SERPINC1: variants seen among roughly 807,000 people sequenced by gnomAD.
SERPINC1 encodes the protein antithrombin-III.
SERPINC1 carries 12 observed loss-of-function variants against 43.4 expected under a neutral mutation model. The ratio of observed to expected loss-of-function variants is 0.28; its 90% CI spans 0.18 to 0.45. The LOEUF (loss-of-function observed/expected upper bound fraction) is 0.45, where lower values mean the gene tolerates loss of function less well. SERPINC1 is among the 20% of genes least tolerant of loss of function. The pLI is 1.00. For synonymous variants in SERPINC1, 210 were observed against 218.9 expected (o/e 0.96, Z 0.36); for missense variants, 423 against 578.8 (o/e 0.73, Z 2.76).
At chr1:173,907,373 A>G in intron 6 of SERPINC1, 77 bp downstream of exon 6, 5 of 1,156,000 alleles carry the variant, frequency 4.3e-6, no homozygotes, top group Middle Eastern at 1.9e-4. Context: ...AACACTGGAA[A>G]CAGGCCTTTT....
rs483352853 is a variant in SERPINC1 at position 173,911,825 on chromosome 1, C to G, written c.598G>C (p.Ala200Pro). ...TTGAAGTCCAGGGGCTGGAGCTTGGCTCCATATACCAACTCACTGATGTCC... is the reference window on the plus strand; with the variant it reads ...TTGAAGTCCAGGGGCTGGAGCTTGGGTCCATATACCAACTCACTGATGTCC... ...YQDISELVYG[A>P]KLQPLDFKEN... The change falls in exon 3 of 7, where the codon GCC (alanine) becomes CCC (proline). Residue 200 changes from alanine to proline, a missense_variant. Ala to Pro is a conservative substitution (Grantham distance 27). Transcript: ENST00000367698. 2.5e-6 allele frequency: 4 copies of G among 1,614,056 alleles called. No homozygotes were observed. In the East Asian group the frequency reaches 6.7e-5, roughly 27 times the overall value.
chr1:173,914,077 CA>C (rs59197371), intron 2 of SERPINC1, among the ~76,000 whole-genome samples: 220 of 138,298 alleles, frequency 1.6e-3, no homozygotes, highest in South Asian at 3.2e-3. Flanking sequence ...GATTCCATCT[CA>C]AAAAAAAAAA....
chr1:173,906,708 C>T (rs1453641255), intron 6 of SERPINC1, among the ~76,000 whole-genome samples: 1 of 151,680 alleles, frequency 6.6e-6, no homozygotes, highest in Non-Finnish European at 1.5e-5. Flanking sequence ...GTTGCAAACT[C>T]CTGGGCTCAA....
chr1:173,905,994 A>G (rs1657490305), intron 6 of SERPINC1, among the ~76,000 whole-genome samples: 1 of 152,144 alleles, frequency 6.6e-6, no homozygotes, highest in South Asian at 2.1e-4. Flanking sequence ...ATCTATATTT[A>G]CTTAGCACCA....
chr1:173,915,714 A>G (rs570468850), intron 1 of SERPINC1, among the ~76,000 whole-genome samples: 1 of 152,240 alleles, frequency 6.6e-6, no homozygotes, highest in South Asian at 2.1e-4. Context: ...AACAAAAACA[A>G]TGGCAATATC....
Position 173,909,599 on chromosome 1 carries a change from T to C in SERPINC1, c.1106A>G (p.Asp369Gly), listed in dbSNP as rs1254068236. The change falls in exon 5 of 7, where the codon GAC (aspartate) becomes GGC (glycine). Residue 369 changes from aspartate (D) to glycine (G), a missense_variant. Coordinates refer to ENST00000367698, the MANE Select transcript of SERPINC1 (RefSeq NM_000488.4). ...DGFSLKEQLQ[D>G]MGLVDLFSPE... is the part of the protein sequence containing the mutation. ...GCTGAACAGATCGACAAGGCCCATG[T>C]CTTGCAGCTGCTCCTTCAAACTGAA... 5 of 1,614,126 alleles carry C rather than the reference T, an allele frequency of 3.1e-6. No individual in the cohort carries two copies. The highest frequency in any genetic ancestry group is 4.2e-6 in the Non-Finnish European group (5 of 1,180,034).
rs373515340 is a variant in SERPINC1 at position 173,909,638 on chromosome 1, C to T, written c.1067G>A (p.Arg356His). 1.9e-5 allele frequency: 31 copies of T among 1,613,794 alleles called. No homozygotes were observed. Among genetic ancestry groups the T allele is most frequent in the Non-Finnish European group, 2.2e-5 (26 of 1,179,868 alleles). ...MMLVVHMPRFRIEDGFSLKEQ... is the reference protein window; with the variant it reads ...MMLVVHMPRFHIEDGFSLKEQ... ...CTTCAAACTGAAGCCGTCCTCAATGCGGAAGCGGGGCATGTGGACCACCAG... is the reference window on the plus strand; with the variant it reads ...CTTCAAACTGAAGCCGTCCTCAATGTGGAAGCGGGGCATGTGGACCACCAG... The change falls in exon 5 of 7, where the codon CGC becomes CAC. Residue 356 changes from arginine to histidine, a missense_variant. Arg to His is a conservative substitution (Grantham distance 29). Coordinates refer to ENST00000367698, the MANE Select transcript of SERPINC1 (RefSeq NM_000488.4).
chr1:173,914,651 C>T lies in SERPINC1; in HGVS notation c.310G>A (p.Asp104Asn). Residue 104 changes from aspartate to asparagine, a missense_variant, in exon 2 of 7, where the codon GAC becomes AAC. Asp to Asn is a conservative substitution (Grantham distance 23, BLOSUM62 1). Transcript: ENST00000367698. Reference sequence around the variant, plus strand: ...GGTGACAGGAAAATGTTATCATTGTCATTCTTGGAATCTGCCAGGTGCTGA... The same window carrying T: ...GGTGACAGGAAAATGTTATCATTGTTATTCTTGGAATCTGCCAGGTGCTGA... ...FYQHLADSKN[D>N]NDNIFLSPLS... 6.2e-7 allele frequency: 1 copy of T among 1,614,238 alleles called. No individual in the cohort carries two copies. Among genetic ancestry groups the T allele is most frequent in the Non-Finnish European group, 8.5e-7 (1 of 1,180,056 alleles).
intron 3 of SERPINC1, 119 bp downstream of exon 3, chr1:173,911,676 TAGTC>T (rs756239825): frequency 6.3e-6 from 5 of 798,710 alleles, no homozygotes; most frequent in Non-Finnish European, 1.1e-5. Flanking sequence ...TTCTAACTTT[TAGTC>T]AGCCCTCCAG....
chr1:173,913,673 G>A (rs1657866728), intron 2 of SERPINC1, among the ~76,000 whole-genome samples: 1 of 152,094 alleles, frequency 6.6e-6, no homozygotes, highest in African/African-American at 2.4e-5. Flanking sequence ...TGGCCAACAT[G>A]GTGAAACCCC....
chr1:173,915,480 A>G (rs1488376953), intron 1 of SERPINC1, among the ~76,000 whole-genome samples: 1 of 152,228 alleles, frequency 6.6e-6, no homozygotes, highest in African/African-American at 2.4e-5. Context: ...GTTCGAGATC[A>G]GCCTGGACAA....
At chr1:173,909,471 TC>T (rs1268782989) in intron 5 of SERPINC1, 80 bp downstream of exon 5, 2 of 1,460,812 alleles carry the variant, frequency 1.4e-6, no homozygotes, top group Admixed American at 3.4e-5. Flanking sequence ...GTTGCTCCTT[TC>T]TATTCTTTCT....
intron 4 of SERPINC1, 79 bp downstream of exon 4, chr1:173,910,675 C>A: frequency 6.9e-7 from 1 of 1,439,042 alleles, no homozygotes; most frequent in East Asian, 2.3e-5. Context: ...GGGCTTCGGT[C>A]TCGCCATTTA....
chr1:173,910,859 G>A lies in SERPINC1; in HGVS notation c.657C>T (p.Asn219=). 6.2e-7 allele frequency: 1 copy of A among 1,614,170 alleles called. No individual in the cohort carries two copies. The highest frequency in any genetic ancestry group is 8.5e-7 in the Non-Finnish European group (1 of 1,180,006). The part of the protein sequence containing the change: ...ENAEQSRAAI[N]KWVSNKTEGR... ...CTTCGGTCTTATTGGACACCCATTTGTTGATGGCCGCTCTGGATTGCTCTG... is the reference window on the plus strand; with the variant it reads ...CTTCGGTCTTATTGGACACCCATTTATTGATGGCCGCTCTGGATTGCTCTG... The change falls in exon 4 of 7, where the codon AAC becomes AAT. Residue 219 remains asparagine, a synonymous_variant. Transcript: ENST00000367698.
chr1:173,913,308 A>G (rs1657848587), intron 2 of SERPINC1, among the ~76,000 whole-genome samples: 1 of 152,188 alleles, frequency 6.6e-6, no homozygotes, highest in South Asian at 2.1e-4. Flanking sequence ...ACAGTGATCA[A>G]TCAATCTATG....
Position 173,914,740 on chromosome 1 carries a change from T to C in SERPINC1, c.221A>G (p.Glu74Gly). ...TTCCCAGACACGCCGGTTGGTGGCC[T>C]CCGGGATCTTCTGTTCTGAGCCCTC... ...EDEGSEQKIPEATNRRVWELS... is the reference protein window; with the variant it reads ...EDEGSEQKIPGATNRRVWELS... Residue 74 changes from glutamate (E) to glycine (G), a missense_variant, in exon 2 of 7, where the codon GAG becomes GGG. Glu to Gly is a moderately conservative substitution (Grantham distance 98). Coordinates refer to ENST00000367698, the MANE Select transcript of SERPINC1 (RefSeq NM_000488.4). 1 of 1,614,246 alleles carries C rather than the reference T, an allele frequency of 6.2e-7. No individual in the cohort carries two copies. Among genetic ancestry groups the C allele is most frequent in the Non-Finnish European group, 8.5e-7 (1 of 1,180,044 alleles).
intron 6 of SERPINC1, among the ~76,000 whole-genome samples, chr1:173,905,150 A>T (rs1657440123): frequency 6.6e-6 from 1 of 152,182 alleles, no homozygotes; most frequent in Non-Finnish European, 1.5e-5. Flanking sequence ...TGAGAGTTAA[A>T]ACCCTGAGGA....
intron 6 of SERPINC1, among the ~76,000 whole-genome samples, chr1:173,907,228 C>T (rs1657555133): frequency 6.6e-6 from 1 of 152,262 alleles, no homozygotes; most frequent in Non-Finnish European, 1.5e-5. Context: ...TCCTATATCA[C>T]CCTCCCTAAA....
chr1:173,911,833 A>G lies in SERPINC1; in HGVS notation c.590T>C (p.Val197Ala), dbSNP rs1415961702. 6.2e-7 allele frequency: 1 copy of G among 1,614,156 alleles called. No individual in the cohort carries two copies. Among genetic ancestry groups the G allele is most frequent in the Non-Finnish European group, 8.5e-7 (1 of 1,180,022 alleles). The stretch of plus-strand genomic sequence containing the variant: ...CAGGGGCTGGAGCTTGGCTCCATAT[A>G]CCAACTCACTGATGTCCTGGTAGGT... ...NETYQDISEL[V>A]YGAKLQPLDF... The change falls in exon 3 of 7, where the codon GTA becomes GCA. Residue 197 changes from valine (V) to alanine (A), a missense_variant. Val to Ala is a moderately conservative substitution (Grantham distance 64). Coordinates refer to ENST00000367698, the MANE Select transcript of SERPINC1 (RefSeq NM_000488.4).
Sources: allele counts gnomAD v4.1 joint callset (sites outside exome capture counted in the v4.1 genomes callset), GRCh38; gene constraint gnomAD v4.1.1; transcripts MANE v1.5; gene names NCBI Gene and HGNC (gene_info 2026-07-23, HGNC 2026-07-21).